The following ULK4 variants were observed in gnomAD, a reference collection of about 807,000 sequenced individuals.
The protein encoded by ULK4 is inactive serine/threonine-protein kinase ULK4.
In ULK4, 133 loss-of-function variants were observed where a neutral mutation model predicts 160.6. The observed-to-expected ratio is 0.83, with a 90% confidence interval of 0.72 to 0.96. The LOEUF is 0.96. Among genes scored for constraint, ULK4 ranks in the 40% least tolerant of loss-of-function variants. The pLI is 0.00. For synonymous variants in ULK4, 534 were observed against 539.8 expected (o/e 0.99, Z 0.15); for missense variants, 1,580 against 1,499.5 (o/e 1.05, Z -0.89).
intron 2 of ULK4, among the ~76,000 whole-genome samples, chr3:41,946,728 G>C (rs1700123479): frequency 6.6e-6 from 1 of 152,184 alleles, no homozygotes; most frequent in African/African-American, 2.4e-5. Context: ...TGGTGAGATA[G>C]TTTCTCTGTT....
intron 32 of ULK4, among the ~76,000 whole-genome samples, chr3:41,471,065 A>C (rs2083977922): frequency 6.6e-6 from 1 of 151,840 alleles, no homozygotes; most frequent in Non-Finnish European, 1.5e-5. Flanking sequence ...AGAACAAAAA[A>C]CCACAAAACT....
intron 5 of ULK4, among the ~76,000 whole-genome samples, chr3:41,930,003 G>A (rs1005388078): frequency 1.3e-5 from 2 of 152,028 alleles, no homozygotes; most frequent in African/African-American, 4.8e-5. Context: ...ATTTCATATG[G>A]AACCAAAAAA....
At chr3:41,473,661 CAAAGAAA>C (rs1452991984) in intron 32 of ULK4, among the ~76,000 whole-genome samples, 5 of 25,292 alleles carry the variant, frequency 2.0e-4, no homozygotes, top group African/African-American at 5.5e-4. Context: ...GATTCTGTCT[CAAAGAAA>C]AAAAAAAAAA....
chr3:41,377,527 G>GA (rs1185828237), intron 35 of ULK4, among the ~76,000 whole-genome samples: 3 of 147,352 alleles, frequency 2.0e-5, no homozygotes, highest in African/African-American at 7.8e-5. Flanking sequence ...AAATTTACAA[G>GA]AAAAAAACAA....
intron 35 of ULK4, among the ~76,000 whole-genome samples, chr3:41,302,702 A>G (rs543673754): frequency 6.6e-5 from 10 of 152,354 alleles, no homozygotes; most frequent in African/African-American, 2.2e-4. Flanking sequence ...GCTTATTTTA[A>G]GTGAACAGAC....
chr3:41,522,851 C>T (rs1043106889), intron 32 of ULK4, among the ~76,000 whole-genome samples: 2 of 152,174 alleles, frequency 1.3e-5, no homozygotes, highest in Non-Finnish European at 2.9e-5. Flanking sequence ...TGTGTTATCA[C>T]AAGAGGAACT....
At position 41,916,912 on chromosome 3, in the gene ULK4, TAGTC is replaced by T. The variant is rs1273180394; in HGVS notation, c.728-864_728-861del. ...TAGTAGAGACAGGGTTTCACCATGA[TAGTC>T]AGGCTGGTCGTGAACTCTTGACCTC... is the stretch of plus-strand genomic sequence containing the variant. On this transcript the variant is annotated intron_variant, in intron 7 of 36. Transcript: ENST00000301831. Among the ~76,000 whole-genome samples the T allele has an allele frequency of 2.0e-5, 3 of 151,984 alleles. No individual in the cohort carries two copies. The East Asian group carries it at 5.8e-4, about 29-fold the overall frequency.
chr3:41,782,670 C>T (rs1270693146), intron 21 of ULK4, among the ~76,000 whole-genome samples: 1 of 152,006 alleles, frequency 6.6e-6, no homozygotes, highest in African/African-American at 2.4e-5. Context: ...TAGCTATTTG[C>T]AAGTACATAT....
At chr3:41,648,534 G>A (rs1425793061) in intron 30 of ULK4, among the ~76,000 whole-genome samples, 1 of 152,116 alleles carries the variant, frequency 6.6e-6, no homozygotes, top group East Asian at 1.9e-4. Flanking sequence ...TCAATACCTT[G>A]TCTGCCCAAT....
intron 19 of ULK4, among the ~76,000 whole-genome samples, chr3:41,805,004 T>C (rs1243677683): frequency 3.9e-5 from 6 of 152,198 alleles, no homozygotes; most frequent in African/African-American, 1.4e-4. Flanking sequence ...AAGTAGTTTT[T>C]TCAAATTCTG....
chr3:41,381,398 T>G (rs1320542881), intron 35 of ULK4, among the ~76,000 whole-genome samples: 1 of 152,324 alleles, frequency 6.6e-6, no homozygotes, highest in Non-Finnish European at 1.5e-5. Context: ...TCCAGGCCTA[T>G]AGAGCCAACT....
intron 11 of ULK4, 49 bp from the exon 12 acceptor site, chr3:41,907,990 C>A: frequency 1.5e-6 from 2 of 1,372,052 alleles, no homozygotes; most frequent in South Asian, 1.4e-5. Context: ...ACAGTTTATT[C>A]TCTGTTTACT....
intron 34 of ULK4, among the ~76,000 whole-genome samples, chr3:41,426,035 C>T (rs2082769280): frequency 6.6e-6 from 1 of 152,126 alleles, no homozygotes; most frequent in African/African-American, 2.4e-5. Flanking sequence ...TCAAGAGACC[C>T]ATCTCACATA....
At chr3:41,652,432 A>G (rs17059957) in intron 30 of ULK4, among the ~76,000 whole-genome samples, 10,268 of 152,204 alleles carry the variant, frequency 0.067, 510 homozygotes, top group Admixed American at 0.14. Context: ...TTATGTAAAG[A>G]CCTGGGTTTG....
At chr3:41,955,555 AC>A (rs1424557585) in intron 1 of ULK4, 2 of 153,388 alleles carry the variant, frequency 1.3e-5, no homozygotes, top group Non-Finnish European at 2.9e-5. Flanking sequence ...GACCAAGCAC[AC>A]CAAGTTCATG....
At chr3:41,504,797 G>T (rs996071495) in intron 32 of ULK4, among the ~76,000 whole-genome samples, 1 of 152,172 alleles carries the variant, frequency 6.6e-6, no homozygotes, top group Admixed American at 6.5e-5. Context: ...CATTTCATTT[G>T]CAGATAGATC....
chr3:41,408,221 G>A (rs1433612156), intron 34 of ULK4, among the ~76,000 whole-genome samples: 2 of 151,800 alleles, frequency 1.3e-5, no homozygotes, highest in Admixed American at 6.6e-5. Context: ...GAGGTCAGGA[G>A]ATCGAGACCA....
At chr3:41,447,709 C>T (rs536596066) in intron 34 of ULK4, among the ~76,000 whole-genome samples, 10 of 152,128 alleles carry the variant, frequency 6.6e-5, no homozygotes, top group African/African-American at 2.2e-4. Context: ...TTATGTATTG[C>T]GGTGGCTATA....
chr3:41,430,286 T>C (rs1276225864), intron 34 of ULK4, among the ~76,000 whole-genome samples: 2 of 152,244 alleles, frequency 1.3e-5, no homozygotes, highest in Non-Finnish European at 2.9e-5. Flanking sequence ...AAGCCTTTAT[T>C]ATCTAGGCAT....
Sources: gnomAD v4.1 joint callset for allele counts (sites outside exome capture counted in the v4.1 genomes callset) on GRCh38, gnomAD v4.1.1 for gene constraint, MANE v1.5 for transcripts, NCBI Gene and HGNC (gene_info 2026-07-23, HGNC 2026-07-21) for gene names.